PHACTR3: variants seen among roughly 807,000 people sequenced by gnomAD.
PHACTR3 encodes phosphatase and actin regulator 3.
Under a neutral mutation model 66.8 loss-of-function variants are expected in PHACTR3, and 16 were observed. The ratio of observed to expected loss-of-function variants is 0.24; its 90% CI spans 0.16 to 0.36. The LOEUF (loss-of-function observed/expected upper bound fraction) is 0.36, where lower values mean the gene tolerates loss of function less well. Among genes scored for constraint, PHACTR3 ranks in the 10% least tolerant of loss-of-function variants. The pLI is 1.00. For missense variants in PHACTR3, 647 were observed against 719.9 expected (o/e 0.90, Z 1.16); for synonymous variants, 323 against 292.1 (o/e 1.11, Z -1.08).
intron 8 of PHACTR3, among the ~76,000 whole-genome samples, chr20:59,808,644 G>T (rs1220921869): frequency 6.6e-6 from 1 of 152,212 alleles, no homozygotes; most frequent in Non-Finnish European, 1.5e-5. Flanking sequence ...GGTTTGCTCT[G>T]CACCCTTGCT....
intron 3 of PHACTR3, 144 bp from the exon 4 acceptor site, chr20:59,755,038 A>G: frequency 5.3e-6 from 4 of 761,558 alleles, no homozygotes; most frequent in Non-Finnish European, 8.2e-6. Flanking sequence ...TTGGAGAGGG[A>G]CTCCTAGGGT....
intron 1 of PHACTR3, among the ~76,000 whole-genome samples, chr20:59,597,077 G>A (rs1165475202): frequency 1.3e-5 from 2 of 152,240 alleles, no homozygotes; most frequent in Non-Finnish European, 2.9e-5. Flanking sequence ...GGGGTTGCTG[G>A]TAGAGATTTT....
At chr20:59,831,849 C>T (rs376287712) in intron 8 of PHACTR3, among the ~76,000 whole-genome samples, 5 of 152,234 alleles carry the variant, frequency 3.3e-5, no homozygotes, top group East Asian at 1.9e-4. Flanking sequence ...CCCTTGCCTG[C>T]GCCGGCTCTG....
chr20:59,798,565 T>G (rs1478779923), intron 7 of PHACTR3, among the ~76,000 whole-genome samples: 1 of 152,208 alleles, frequency 6.6e-6, no homozygotes, highest in Non-Finnish European at 1.5e-5. Flanking sequence ...TACATATTTC[T>G]TCTTAAGTGA....
intron 7 of PHACTR3, among the ~76,000 whole-genome samples, chr20:59,795,530 T>C (rs986120054): frequency 1.3e-5 from 2 of 152,126 alleles, no homozygotes; most frequent in Admixed American, 6.5e-5. Context: ...ATCCAATATT[T>C]CTCTGTTCAT....
At chr20:59,723,108 T>TTCTTTCTTTC (rs2038407934) in intron 1 of PHACTR3, among the ~76,000 whole-genome samples, 2 of 146,722 alleles carry the variant, frequency 1.4e-5, no homozygotes, top group Non-Finnish European at 3.0e-5. Flanking sequence ...CTTTCTTTCT[T>TTCTTTCTTTC]TCTTTCTTTC....
At position 59,590,219 on chromosome 20, in the gene PHACTR3, T is replaced by C. The variant is rs148159099; in HGVS notation, c.109+12602T>C. ...AATGATGTTAGACTACAAAGATCTT[T>C]TGCAGTACAAGGAAGCCGCTGAGTG... On this transcript the variant is annotated intron_variant, in intron 1 of 12. Coordinates refer to the PHACTR3 transcript ENST00000359926. Among the ~76,000 whole-genome samples the C allele has an allele frequency of 5.5e-3, 832 of 152,316 alleles. 10 individuals carry two copies. Among genetic ancestry groups the C allele is most frequent in the African/African-American group, 0.019 (776 of 41,560 alleles).
At chr20:59,737,343 C>T (rs1401043064) in intron 1 of PHACTR3, among the ~76,000 whole-genome samples, 1 of 152,198 alleles carries the variant, frequency 6.6e-6, no homozygotes, top group Non-Finnish European at 1.5e-5. Context: ...GTCCCCCTGG[C>T]ACGTGCCTGA....
chr20:59,757,692 C>G (rs2039850928), intron 4 of PHACTR3, among the ~76,000 whole-genome samples: 1 of 152,198 alleles, frequency 6.6e-6, no homozygotes, highest in African/African-American at 2.4e-5. Flanking sequence ...TGGGTCACAC[C>G]TATCATTCCA....
chr20:59,772,674 G>T (rs2040399015), intron 5 of PHACTR3, among the ~76,000 whole-genome samples: 1 of 152,164 alleles, frequency 6.6e-6, no homozygotes, highest in African/African-American at 2.4e-5. Flanking sequence ...GAGCCGAGTG[G>T]GGCCACCCCC....
intron 1 of PHACTR3, among the ~76,000 whole-genome samples, chr20:59,612,049 G>A (rs897828044): frequency 2.0e-5 from 3 of 152,156 alleles, no homozygotes; most frequent in Admixed American, 6.5e-5. Context: ...CAGGTAGTGG[G>A]TGTGTCCTGG....
chr20:59,805,153 T>C (rs900505693), intron 7 of PHACTR3, among the ~76,000 whole-genome samples: 3 of 152,232 alleles, frequency 2.0e-5, no homozygotes, highest in African/African-American at 7.2e-5. Context: ...AATGACACTC[T>C]GCCTGCGAAA....
chr20:59,621,845 T>C (rs2034251606), intron 1 of PHACTR3, among the ~76,000 whole-genome samples: 2 of 152,180 alleles, frequency 1.3e-5, no homozygotes, highest in South Asian at 4.1e-4. Flanking sequence ...TGGCACTTAA[T>C]TTGTCTTTCC....
At chr20:59,805,287 C>T (rs1029018370) in intron 7 of PHACTR3, among the ~76,000 whole-genome samples, 1 of 152,206 alleles carries the variant, frequency 6.6e-6, no homozygotes, top group Admixed American at 6.5e-5. Flanking sequence ...GCTGGCCTAG[C>T]AGACCTGGAG....
At chr20:59,703,112 A>G (rs1781281496) in intron 1 of PHACTR3, among the ~76,000 whole-genome samples, 1 of 152,214 alleles carries the variant, frequency 6.6e-6, no homozygotes, top group South Asian at 2.1e-4. Flanking sequence ...ACAGATAAGC[A>G]TCATAAATAT....
chr20:59,681,991 C>G (rs538821866), intron 1 of PHACTR3, among the ~76,000 whole-genome samples: 2 of 147,118 alleles, frequency 1.4e-5, no homozygotes, highest in African/African-American at 5.0e-5. Flanking sequence ...GACTGGGCAA[C>G]AAGAGCGAAA....
intron 1 of PHACTR3, among the ~76,000 whole-genome samples, chr20:59,623,004 C>CAAAACAAAAAAAAA (rs2034312574): frequency 1.1e-4 from 2 of 18,930 alleles, no homozygotes; most frequent in Admixed American, 4.6e-4. Context: ...AAAAAAAACC[C>CAAAACAAAAAAAAA]AAATCTTCAG....
chr20:59,607,140 A>G (rs2033698861), intron 1 of PHACTR3, among the ~76,000 whole-genome samples: 1 of 151,986 alleles, frequency 6.6e-6, no homozygotes, highest in South Asian at 2.1e-4. Flanking sequence ...TTGATGGTGG[A>G]CTCAGTTCTT....
rs149389168 is a variant in PHACTR3, at chr20:59,654,381, A to G, written c.118+49249A>G. ...ATTACCATTTGACAACCCAAATGAA[A>G]TAACAGGTGTAGGCAATTATTATCA... is the stretch of plus-strand genomic sequence containing the variant. On this transcript the variant is annotated intron_variant, in intron 1 of 12. Coordinates refer to ENST00000371015, the MANE Select transcript of PHACTR3 (RefSeq NM_080672.5). Among the ~76,000 whole-genome samples the G allele has an allele frequency of 9.9e-3, 1,508 of 152,336 alleles. 35 individuals are homozygous for G. The highest frequency in any genetic ancestry group is 0.034 in the African/African-American group (1,419 of 41,588).
Sources: gnomAD v4.1 joint callset for allele counts (sites outside exome capture counted in the v4.1 genomes callset) on GRCh38, gnomAD v4.1.1 for gene constraint, MANE v1.5 for transcripts, NCBI Gene and HGNC (gene_info 2026-07-23, HGNC 2026-07-21) for gene names.